Variants in GNA12 observed in about 807,000 individuals in gnomAD.
GNA12 encodes the protein guanine nucleotide-binding protein subunit alpha-12.
GNA12 carries 9 observed loss-of-function variants against 26.0 expected under a neutral mutation model. The ratio of observed to expected loss-of-function variants is 0.35; its 90% CI spans 0.21 to 0.60. The LOEUF (loss-of-function observed/expected upper bound fraction) is 0.60. Among genes scored for constraint, GNA12 ranks in the 20% least tolerant of loss-of-function variants. GNA12 has a pLI of 0.78. For missense variants in GNA12, 405 were observed against 525.8 expected (o/e 0.77, Z 2.25); for synonymous variants, 264 against 219.6 (o/e 1.20, Z -1.79).
At chr7:2,762,897 C>CGGCGGGGAGAAGAGGCCACA in intron 2 of GNA12, 1 of 1,424,040 alleles carries the variant, frequency 7.0e-7, no homozygotes, top group Non-Finnish European at 9.2e-7. Flanking sequence ...ATTGGTGCTG[C>CGGCGGGGAGAAGAGGCCACA]GGCGGGGAGA....
chr7:2,788,581 C>A (rs999991969), intron 2 of GNA12, among the ~76,000 whole-genome samples: 7 of 152,174 alleles, frequency 4.6e-5, no homozygotes, highest in Admixed American at 2.0e-4. Flanking sequence ...CTTATTCAGG[C>A]AATTCTGTAC....
intron 1 of GNA12, among the ~76,000 whole-genome samples, chr7:2,832,552 C>G (rs1275666251): frequency 1.3e-5 from 2 of 152,150 alleles, no homozygotes; most frequent in African/African-American, 4.8e-5. Context: ...CAGTGTTCCT[C>G]GGGCTTAGTT....
At chr7:2,734,963 C>T (rs1421769806) in intron 2 of GNA12, among the ~76,000 whole-genome samples, 3 of 152,206 alleles carry the variant, frequency 2.0e-5, no homozygotes, top group Non-Finnish European at 2.9e-5. Context: ...CTCCCTTCCT[C>T]GCCAAGCCCC....
chr7:2,757,667 G>A (rs2115385131), intron 2 of GNA12, among the ~76,000 whole-genome samples: 1 of 152,284 alleles, frequency 6.6e-6, no homozygotes, highest in South Asian at 2.1e-4. Context: ...GTTTTAAGTT[G>A]CTAATTGGTG....
At chr7:2,741,654 C>A (rs576406774) in intron 2 of GNA12, among the ~76,000 whole-genome samples, 1 of 149,028 alleles carries the variant, frequency 6.7e-6, no homozygotes, top group African/African-American at 2.4e-5. Flanking sequence ...CTGTTCACAT[C>A]TTCTCTCATT....
Position 2,781,087 on chromosome 7 carries a change from C to T in GNA12, c.525+13841G>A, listed in dbSNP as rs1792216380. Among the ~76,000 whole-genome samples, 5 of 152,290 alleles carry T rather than the reference C, an allele frequency of 3.3e-5. No homozygotes were observed. In the South Asian group the frequency reaches 1.0e-3, roughly 32 times the overall value. On this transcript the variant is annotated intron_variant, in intron 2 of 3. Coordinates refer to ENST00000275364, the MANE Select transcript of GNA12 (RefSeq NM_007353.3). ...ATATCATCTCCTCTTCTCAGAAGTG[C>T]CTATTGAAAGCCGTAACTCATACTG...
chr7:2,843,712 A>C lies in GNA12; in HGVS notation c.309+141T>G, dbSNP rs1384686879. 64 of 373,518 alleles carry C rather than the reference A, an allele frequency of 1.7e-4. No homozygotes were observed. The East Asian group carries it at 2.4e-3, about 14-fold the overall frequency. The allele number at this position is 373,518 out of a possible 1,614,324, so 23.1% of individuals were successfully genotyped here. ...GGCCTCGGGGAATGGGTCGGGGGGG[A>C]GTGGGGTGCAGGCGGGGCTGGATCC... On this transcript the variant is annotated intron_variant, in intron 1 of 3. Coordinates refer to ENST00000275364, the MANE Select transcript of GNA12 (RefSeq NM_007353.3).
chr7:2,817,098 C>T (rs866048430), intron 1 of GNA12, among the ~76,000 whole-genome samples: 1 of 152,176 alleles, frequency 6.6e-6, no homozygotes, highest in Non-Finnish European at 1.5e-5. Context: ...CATCATACTC[C>T]ACTTTATTTT....
chr7:2,793,786 G>A (rs1057254015), intron 2 of GNA12, among the ~76,000 whole-genome samples: 9 of 151,732 alleles, frequency 5.9e-5, no homozygotes, highest in Non-Finnish European at 1.2e-4. Context: ...GGGAGGCTGA[G>A]GTGGGAGAAT....
intron 1 of GNA12, among the ~76,000 whole-genome samples, chr7:2,820,833 G>A (rs188661195): frequency 3.3e-5 from 5 of 152,334 alleles, no homozygotes; most frequent in Admixed American, 3.3e-4. Context: ...CAAGCTCCTG[G>A]ACTCAAGCCA....
At chr7:2,758,563 A>G (rs1791409332) in intron 2 of GNA12, among the ~76,000 whole-genome samples, 2 of 152,066 alleles carry the variant, frequency 1.3e-5, no homozygotes, top group Admixed American at 6.5e-5. Context: ...CAGCTAAGCC[A>G]AAGGGAGGTG....
intron 2 of GNA12, among the ~76,000 whole-genome samples, chr7:2,780,901 T>G (rs1169460449): frequency 2.0e-5 from 3 of 152,256 alleles, no homozygotes; most frequent in African/African-American, 7.2e-5. Flanking sequence ...GAAACACATA[T>G]CTTAACTTTA....
intron 1 of GNA12, among the ~76,000 whole-genome samples, chr7:2,818,096 C>T (rs1011106994): frequency 1.3e-5 from 2 of 152,206 alleles, no homozygotes; most frequent in African/African-American, 4.8e-5. Context: ...GAATGACTCC[C>T]TACACAGCTA....
In GNA12 at chr7:2,843,947, G is replaced by A; in HGVS notation, c.215C>T (p.Thr72Met). The A allele has an allele frequency of 1.3e-6, 2 of 1,592,648 alleles. No individual in the cohort carries two copies. The highest frequency in any genetic ancestry group is 1.7e-6 in the Non-Finnish European group (2 of 1,171,366). Residue 72 changes from threonine (T) to methionine (M), a missense_variant, in exon 1 of 4, where the codon ACG (threonine) becomes ATG (methionine). Transcript: ENST00000275364. ...LLGAGESGKS[T>M]FLKQMRIIHG... is the part of the protein sequence containing the mutation. Reference sequence around the variant, plus strand: ...GATGATGCGCATCTGCTTGAGGAACGTGGACTTGCCGCTCTCGCCCGCGCC... The same window carrying A: ...GATGATGCGCATCTGCTTGAGGAACATGGACTTGCCGCTCTCGCCCGCGCC...
rs1335151805 is a variant in GNA12, at chr7:2,730,246, A to C, written c.*935T>G. On this transcript the variant is annotated 3_prime_UTR_variant, in exon 4 of 4. Transcript: ENST00000275364. ...AAGAAGGAAACGCTATGTGCTGCCA[A>C]CTGTGTGTGAGCAGATGACTTGCAG... 1 of 152,462 alleles carries C rather than the reference A, an allele frequency of 6.6e-6. No homozygotes were observed. Among genetic ancestry groups the C allele is most frequent in the Admixed American group, 6.5e-5 (1 of 15,280 alleles). The allele number at this position is 152,462 out of a possible 1,614,324, so 9.4% of individuals were successfully genotyped here.
chr7:2,839,001 C>A (rs538144448), intron 1 of GNA12, among the ~76,000 whole-genome samples: 2 of 152,272 alleles, frequency 1.3e-5, no homozygotes, highest in South Asian at 2.1e-4. Context: ...GAACTCAACA[C>A]CACTATCAAT....
chr7:2,825,136 C>T (rs892682593), intron 1 of GNA12, among the ~76,000 whole-genome samples: 1 of 152,182 alleles, frequency 6.6e-6, no homozygotes, highest in Non-Finnish European at 1.5e-5. Context: ...TCCAGGCACC[C>T]AACAGGAAAC....
At chr7:2,837,688 A>C (rs1435768291) in intron 1 of GNA12, among the ~76,000 whole-genome samples, 1 of 152,238 alleles carries the variant, frequency 6.6e-6, no homozygotes, top group Non-Finnish European at 1.5e-5. Flanking sequence ...TGAAGAGGAA[A>C]TACAGGCATT....
At chr7:2,769,851 C>T (rs75599353) in intron 2 of GNA12, among the ~76,000 whole-genome samples, 1 of 152,076 alleles carries the variant, frequency 6.6e-6, no homozygotes, top group East Asian at 1.9e-4. Flanking sequence ...TTCTTTATAC[C>T]CTTAACACAC....
Sources: gnomAD v4.1 joint callset for allele counts (sites outside exome capture counted in the v4.1 genomes callset) on GRCh38, gnomAD v4.1.1 for gene constraint, MANE v1.5 for transcripts, NCBI Gene and HGNC (gene_info 2026-07-23, HGNC 2026-07-21) for gene names.